ARHGEF37: variants seen among roughly 807,000 people sequenced by gnomAD.
ARHGEF37 encodes the protein Rho guanine nucleotide exchange factor 37.
In ARHGEF37, 55 loss-of-function variants were observed where a neutral mutation model predicts 71.1. The ratio of observed to expected loss-of-function variants is 0.77; its 90% CI spans 0.62 to 0.97. ARHGEF37 has a LOEUF of 0.97. ARHGEF37 is among the 50% of genes least tolerant of loss of function. The pLI, the probability that ARHGEF37 is intolerant of heterozygous loss-of-function variation, is 0.00. For missense variants in ARHGEF37, 765 were observed against 836.8 expected, an observed-to-expected ratio of 0.91 and a Z score of 1.06; for synonymous variants, 327 against 350.6, an observed-to-expected ratio of 0.93 and a Z score of 0.75.
At chr5:149,558,691 A>G (rs571913181) in intron 1 of ARHGEF37, among the ~76,000 whole-genome samples, 88 of 127,986 alleles carry the variant, frequency 6.9e-4, no homozygotes, top group South Asian at 1.2e-3. Flanking sequence ...CCATATATAT[A>G]TGTGTGTGTG....
At chr5:149,580,309 C>G (rs376005765), upstream of ARHGEF37, among the ~76,000 whole-genome samples, 4 of 152,224 alleles carry the variant, frequency 2.6e-5, no homozygotes, top group East Asian at 1.9e-4. Context: ...TCTGCCCCCC[C>G]CTCAGCTTCC....
At chr5:149,612,384 G>T (rs1752222221) in intron 4 of ARHGEF37, among the ~76,000 whole-genome samples, 2 of 152,130 alleles carry the variant, frequency 1.3e-5, no homozygotes, top group African/African-American at 2.4e-5. Flanking sequence ...AGCCAGGATG[G>T]TCTCCATCTC....
At chr5:149,608,422 G>A (rs1051439557) in intron 3 of ARHGEF37, among the ~76,000 whole-genome samples, 1 of 151,638 alleles carries the variant, frequency 6.6e-6, no homozygotes, top group Non-Finnish European at 1.5e-5. Flanking sequence ...GCAGGCTGGA[G>A]TGCAGTGGCG....
chr5:149,629,916 CTGCTAA>C (rs909023719), intron 12 of ARHGEF37, among the ~76,000 whole-genome samples: 9 of 151,864 alleles, frequency 5.9e-5, no homozygotes, highest in African/African-American at 2.2e-4. Context: ...TGAACACATG[CTGCTAA>C]GTGAACAAAG....
chr5:149,611,106 T>C (rs943627351), intron 4 of ARHGEF37, among the ~76,000 whole-genome samples: 2 of 152,194 alleles, frequency 1.3e-5, no homozygotes, highest in African/African-American at 2.4e-5. Context: ...CTTATTCACA[T>C]CATGGTCTCA....
chr5:149,580,281 G>C (rs1002984624), upstream of ARHGEF37, among the ~76,000 whole-genome samples: 2 of 151,760 alleles, frequency 1.3e-5, no homozygotes, highest in Non-Finnish European at 2.9e-5. Context: ...GGATGGTCTC[G>C]ATCTCTTGAC....
chr5:149,598,263 CTCTTCTTCTTCTTCTTCTTCTTCTTCT>C (rs70973531), intron 2 of ARHGEF37, among the ~76,000 whole-genome samples: 1 of 67,692 alleles, frequency 1.5e-5, no homozygotes, highest in South Asian at 7.7e-4. Context: ...CTTAAACTGA[CTCTTCTTCTTCTTCTTCTTCTTCTTCT>C]TCTTCTTCTT....
chr5:149,621,231 G>A (rs1237894938), intron 8 of ARHGEF37, among the ~76,000 whole-genome samples: 1 of 152,216 alleles, frequency 6.6e-6, no homozygotes, highest in Non-Finnish European at 1.5e-5. Flanking sequence ...GGGAGGCCAA[G>A]GCAGGAGGAT....
At chr5:149,604,491 C>T (rs1246576494) in intron 3 of ARHGEF37, among the ~76,000 whole-genome samples, 3 of 152,046 alleles carry the variant, frequency 2.0e-5, no homozygotes, top group East Asian at 1.9e-4. Flanking sequence ...ATATCCTCCT[C>T]ATCCCTTGTC....
chr5:149,563,866 C>T (rs886874388), intron 1 of ARHGEF37, among the ~76,000 whole-genome samples: 10 of 150,884 alleles, frequency 6.6e-5, no homozygotes, highest in Non-Finnish European at 1.0e-4. Context: ...AACCTTTCTT[C>T]TAATCAACGT....
chr5:149,602,789 A>T (rs1350330578), intron 3 of ARHGEF37, among the ~76,000 whole-genome samples: 2 of 152,098 alleles, frequency 1.3e-5, no homozygotes, highest in Non-Finnish European at 2.9e-5. Context: ...TGGGTGTCAG[A>T]TTCACTACAG....
At chr5:149,578,158 C>T (rs772493264), upstream of ARHGEF37, among the ~76,000 whole-genome samples, 3 of 152,224 alleles carry the variant, frequency 2.0e-5, no homozygotes, top group Non-Finnish European at 4.4e-5. Context: ...AGCCTTTCTA[C>T]TGATTCTTTG....
chr5:149,553,392 C>G (rs1762711484), intron 1 of ARHGEF37, among the ~76,000 whole-genome samples: 1 of 151,732 alleles, frequency 6.6e-6, no homozygotes, highest in Non-Finnish European at 1.5e-5. Flanking sequence ...GAGCGAGACT[C>G]CACTCCATCT....
At chr5:149,620,803 C>T (rs1293198934) in intron 8 of ARHGEF37, among the ~76,000 whole-genome samples, 1 of 143,162 alleles carries the variant, frequency 7.0e-6, no homozygotes, top group African/African-American at 2.6e-5. Flanking sequence ...CGCACTCCAG[C>T]CCGGAGACAG....
chr5:149,611,545 G>T (rs1318406540), intron 4 of ARHGEF37, among the ~76,000 whole-genome samples: 1 of 152,230 alleles, frequency 6.6e-6, no homozygotes, highest in Non-Finnish European at 1.5e-5. Flanking sequence ...GCTGGGCTTT[G>T]CTCATGGGCT....
Position 149,609,648 on chromosome 5 carries a change from G to A in ARHGEF37, c.411G>A (p.Lys137=), listed in dbSNP as rs1387123367. ...QALLLVDTYR[K]EPELQRHIQG... The stretch of plus-strand genomic sequence containing the variant: ...TGCTACTGGTGGACACGTACCGGAA[G>A]GAGCCGGAGCTGCAGCGGCACATCC... The change falls in exon 4 of 13, where the codon AAG becomes AAA. Residue 137 remains lysine (K), a synonymous_variant. Coordinates refer to ENST00000333677, the MANE Select transcript of ARHGEF37 (RefSeq NM_001001669.3). The A allele has an allele frequency of 6.2e-7, 1 of 1,612,882 alleles. No homozygotes were observed.
rs563341836 is a variant in ARHGEF37, at chr5:149,568,026, A to G, written c.-12+15903A>G. On this transcript the variant is annotated intron_variant, in intron 1 of 2. Transcript: ENST00000505810. ...ATTCCAGTCCAACTTCACAAGGTGC[A>G]TTCTAGTGTTCTTCTTTTGCACACG... 3.3e-5 allele frequency among the ~76,000 whole-genome samples: 5 copies of G among 152,134 alleles called. No individual in the cohort carries two copies. The East Asian group carries it at 9.6e-4, about 29-fold the overall frequency.
chr5:149,634,407 C>A lies in ARHGEF37; in HGVS notation c.*2216C>A, dbSNP rs1274922282. 1 of 152,398 alleles carries A rather than the reference C, an allele frequency of 6.6e-6. No homozygotes were observed. Among genetic ancestry groups the A allele is most frequent in the African/African-American group, 2.4e-5 (1 of 41,412 alleles). The allele number at this position is 152,398 out of a possible 1,614,324, so 9.4% of individuals were successfully genotyped here. ...CTCAGAATGTATATTTATTAAGTGC[C>A]ATTAAAAGGGACCTGAACAAAATTG... is the stretch of plus-strand genomic sequence containing the variant. On this transcript the variant is annotated 3_prime_UTR_variant, in exon 13 of 13. Coordinates refer to ENST00000333677, the MANE Select transcript of ARHGEF37 (RefSeq NM_001001669.3).
intron 1 of ARHGEF37, among the ~76,000 whole-genome samples, chr5:149,554,521 C>T (rs1317732226): frequency 6.6e-6 from 1 of 152,094 alleles, no homozygotes; most frequent in African/African-American, 2.4e-5. Flanking sequence ...CTGCTATAGT[C>T]ACCATTCCAA....
Sources: allele counts gnomAD v4.1 joint callset (sites outside exome capture counted in the v4.1 genomes callset), GRCh38; gene constraint gnomAD v4.1.1; transcripts MANE v1.5; gene names NCBI Gene and HGNC (gene_info 2026-07-23, HGNC 2026-07-21).